PCDHA4: variants seen among roughly 807,000 people sequenced by gnomAD.
PCDHA4 encodes protocadherin alpha-4.
A neutral mutation model predicts 61.4 loss-of-function variants in PCDHA4; 49 were observed. That is an observed-to-expected ratio of 0.80 (90% CI 0.63 to 1.01). The LOEUF (loss-of-function observed/expected upper bound fraction) is 1.01, where lower values mean the gene tolerates loss of function less well. Ranked by LOEUF, PCDHA4 falls within the 50% of genes least tolerant of loss-of-function variation. The probability of loss-of-function intolerance (pLI) is 0.00; values close to 1 mark genes in which losing one functional copy is unlikely to be tolerated. For missense variants in PCDHA4, 1,254 were observed against 1,235.8 expected (o/e 1.01, Z -0.22); for synonymous variants, 590 against 550.3 (o/e 1.07, Z -1.01).
At chr5:140,912,939 T>C (rs1372074826) in intron 1 of PCDHA4, among the ~76,000 whole-genome samples, 1 of 152,230 alleles carries the variant, frequency 6.6e-6, no homozygotes, top group Middle Eastern at 3.2e-3. Context: ...CATCCTTGTA[T>C]CCCTGGGATA....
At chr5:140,841,219 G>T in intron 1 of PCDHA4, 1 of 1,437,982 alleles carries the variant, frequency 7.0e-7, no homozygotes, top group South Asian at 1.4e-5. Context: ...TCTAAAGGCC[G>T]AACAACGGGA....
chr5:140,981,974 A>G (rs782298715), intron 2 of PCDHA4, among the ~76,000 whole-genome samples: 6 of 152,232 alleles, frequency 3.9e-5, no homozygotes, highest in Non-Finnish European at 8.8e-5. Context: ...AGATATAGAA[A>G]GAGTAAAATA....
intron 1 of PCDHA4, chr5:140,824,003 C>T: frequency 6.2e-7 from 1 of 1,614,094 alleles, no homozygotes; most frequent in African/African-American, 1.3e-5. Context: ...TGCTCCAGCG[C>T]GGTGGGGAGC....
intron 1 of PCDHA4, among the ~76,000 whole-genome samples, chr5:140,904,088 TA>T (rs1486110849): frequency 9.8e-5 from 15 of 152,340 alleles, no homozygotes; most frequent in Admixed American, 2.6e-4. Flanking sequence ...GTTACATGAA[TA>T]ACTACTTTAG....
Position 140,807,072 on chromosome 5 carries a change from A to G in PCDHA4, c.-116A>G, listed in dbSNP as rs4151680. 0.54 allele frequency: 630,909 copies of G among 1,172,510 alleles called. 171,587 individuals are homozygous for G. Among genetic ancestry groups the G allele is most frequent in the African/African-American group, 0.7 (45,845 of 65,358 alleles). The allele number at this position is 1,172,510 out of a possible 1,614,324, so 72.6% of individuals were successfully genotyped here. A position where few individuals can be genotyped will look rare whatever the true frequency, so the allele number is the denominator to read the frequency against. ...CTATTCTTACTGGAAGGAACCATATACACTCTTTGGAGTCTGAAATATGGA... is the reference window on the plus strand; with the variant it reads ...CTATTCTTACTGGAAGGAACCATATGCACTCTTTGGAGTCTGAAATATGGA... On this transcript the variant is annotated 5_prime_UTR_variant, in exon 1 of 4. In the 5' UTR this introduces an upstream ATG that the reference lacks. Transcript: ENST00000530339.
chr5:140,931,209 A>C (rs1554208285), intron 1 of PCDHA4, among the ~76,000 whole-genome samples: 1 of 152,184 alleles, frequency 6.6e-6, no homozygotes, highest in African/African-American at 2.4e-5. Context: ...CTAGTATTTC[A>C]GGTATCAGAG....
rs141570762 is a variant in PCDHA4 at position 140,830,083 on chromosome 5, G to C, written c.2385+20511G>C. ...AGCCGGCGCTGACAGCGACGGCCAC[G>C]GTTCTGGTGTCGCTGGTGGAGAGTG... is the stretch of plus-strand genomic sequence containing the variant. On this transcript the variant is annotated intron_variant, in intron 1 of 3. Transcript: ENST00000530339. 690 of 1,613,696 alleles carry C rather than the reference G, an allele frequency of 4.3e-4. 3 individuals are homozygous for C. In the African/African-American group the frequency reaches 8.5e-3, roughly 20 times the overall value.
At position 140,850,786 on chromosome 5, in the gene PCDHA4, A is replaced by C. The variant is rs2150498536; in HGVS notation, c.2385+41214A>C. 0.62 allele frequency: 994,890 copies of C among 1,596,700 alleles called. 342,727 individuals are homozygous for C. The highest frequency in any genetic ancestry group is 0.72 in the African/African-American group (53,217 of 73,966). The stretch of plus-strand genomic sequence containing the variant: ...CAGAGGGTGTGCTCTGGCGAGGGTA[A>C]GCAGAAGACCGACCTCATGGCCTTC... On this transcript the variant is annotated intron_variant, in intron 1 of 3. Transcript: ENST00000530339.
chr5:140,940,736 A>G (rs1554213579), intron 1 of PCDHA4, among the ~76,000 whole-genome samples: 1 of 152,200 alleles, frequency 6.6e-6, no homozygotes, highest in Non-Finnish European at 1.5e-5. Flanking sequence ...GGACAGCTCC[A>G]TATTTTTATG....
intron 3 of PCDHA4, among the ~76,000 whole-genome samples, chr5:140,984,683 T>A (rs1481664684): frequency 6.6e-6 from 1 of 152,200 alleles, no homozygotes; most frequent in East Asian, 1.9e-4. Flanking sequence ...GGACTCAATA[T>A]ATGTTCTGCA....
At chr5:140,883,476 A>G (rs782692069) in intron 1 of PCDHA4, 7 of 1,614,082 alleles carry the variant, frequency 4.3e-6, no homozygotes, top group Admixed American at 3.3e-5. Flanking sequence ...ACCTACAAGA[A>G]CTACTACTCA....
intron 1 of PCDHA4, among the ~76,000 whole-genome samples, chr5:140,918,378 T>C (rs2078665832): frequency 6.6e-6 from 1 of 152,192 alleles, no homozygotes; most frequent in South Asian, 2.1e-4. Flanking sequence ...GGATGCCTTT[T>C]ATTTCTTTCT....
chr5:140,910,972 G>T (rs533796834), intron 1 of PCDHA4, among the ~76,000 whole-genome samples: 1 of 152,124 alleles, frequency 6.6e-6, no homozygotes, highest in African/African-American at 2.4e-5. Flanking sequence ...CCTCCTCATG[G>T]GTTATACTCT....
chr5:140,890,966 T>C (rs2062882231), intron 1 of PCDHA4, among the ~76,000 whole-genome samples: 1 of 152,206 alleles, frequency 6.6e-6, no homozygotes, highest in African/African-American at 2.4e-5. Flanking sequence ...TCAGGTTTTG[T>C]TTTTCTGAAA....
chr5:140,967,529 C>A, intron 1 of PCDHA4: 1 of 1,613,244 alleles, frequency 6.2e-7, no homozygotes, highest in South Asian at 1.1e-5. Context: ...CGACAACTCT[C>A]CTGCCTTTGA....
At chr5:140,841,754 T>A in intron 1 of PCDHA4, 1 of 1,613,818 alleles carries the variant, frequency 6.2e-7, no homozygotes, top group Non-Finnish European at 8.5e-7. Context: ...TGTTTCAGAA[T>A]CCAGAATGCC....
In PCDHA4 at chr5:141,009,814, A is replaced by C. The variant is rs781835321; in HGVS notation, c.2721A>C (p.Lys907Asn). Residue 907 changes from lysine to asparagine, a missense_variant, in exon 4 of 4, where the codon AAA (lysine) becomes AAC (asparagine). By Grantham distance (94) the Lys-to-Asn change is moderately conservative. Coordinates refer to ENST00000530339, the MANE Select transcript of PCDHA4 (RefSeq NM_018907.4). ...RQEPTNSQID[K>N]SDFITFGKKE... ...AGCCTACTAACAGCCAAATTGACAA[A>C]AGTGACTTCATAACCTTCGGCAAAA... The C allele has an allele frequency of 6.2e-7, 1 of 1,614,124 alleles. No individual in the cohort carries two copies. The highest frequency in any genetic ancestry group is 8.5e-7 in the Non-Finnish European group (1 of 1,180,010).
At position 140,848,698 on chromosome 5, in the gene PCDHA4, C is replaced by T. The variant is rs17844321; in HGVS notation, c.2385+39126C>T. On this transcript the variant is annotated intron_variant, in intron 1 of 3. Coordinates refer to ENST00000530339, the MANE Select transcript of PCDHA4 (RefSeq NM_018907.4). The stretch of plus-strand genomic sequence containing the variant: ...GTGCCGCGCCTGTTCCAGTTGGATT[C>T]CAAAGGCCGCGGGGACCTTCTGGAG... 1,049 of 1,592,348 alleles carry T rather than the reference C, an allele frequency of 6.6e-4. 38 individuals are homozygous for T. The East Asian group carries it at 0.022, about 33-fold the overall frequency.
intron 1 of PCDHA4, among the ~76,000 whole-genome samples, chr5:140,954,401 A>G (rs567522525): frequency 2.0e-4 from 31 of 152,300 alleles, no homozygotes; most frequent in Middle Eastern, 3.4e-3. Flanking sequence ...AACCCCACCA[A>G]CAGGGTAAAG....
Sources: gnomAD v4.1 joint callset for allele counts (sites outside exome capture counted in the v4.1 genomes callset) on GRCh38, gnomAD v4.1.1 for gene constraint, MANE v1.5 for transcripts, NCBI Gene and HGNC (gene_info 2026-07-23, HGNC 2026-07-21) for gene names.